The following PSMD14 variants were observed in gnomAD, a reference collection of about 807,000 sequenced individuals.
The protein encoded by PSMD14 is ubiquitin C-terminal hydrolase PSMD14.
A neutral mutation model predicts 41.2 loss-of-function variants in PSMD14; 7 were observed. That is an observed-to-expected ratio of 0.17 (90% CI 0.10 to 0.32). The LOEUF (loss-of-function observed/expected upper bound fraction) is 0.32. Among genes scored for constraint, PSMD14 ranks in the 10% least tolerant of loss-of-function variants. The pLI is 1.00. For synonymous variants in PSMD14, 114 were observed against 122.3 expected (o/e 0.93, Z 0.45); for missense variants, 139 against 375.6 (o/e 0.37, Z 5.21).
At chr2:161,354,726 A>C (rs956614070) in intron 3 of PSMD14, among the ~76,000 whole-genome samples, 1 of 152,218 alleles carries the variant, frequency 6.6e-6, no homozygotes, top group African/African-American at 2.4e-5. Context: ...AATTGTTTCA[A>C]AGTGAGTACC....
chr2:161,323,482 G>C (rs1682641240), intron 3 of PSMD14, among the ~76,000 whole-genome samples: 1 of 152,128 alleles, frequency 6.6e-6, no homozygotes. Context: ...GGCCAACATG[G>C]GGAAACCCCA....
chr2:161,310,334 C>G (rs1401124604), intron 1 of PSMD14, among the ~76,000 whole-genome samples: 1 of 152,140 alleles, frequency 6.6e-6, no homozygotes, highest in Admixed American at 6.5e-5. Context: ...ATCTAGTCCT[C>G]TTATTTCAGT....
intron 3 of PSMD14, among the ~76,000 whole-genome samples, chr2:161,321,763 G>A (rs1039055691): frequency 6.6e-6 from 1 of 152,140 alleles, no homozygotes; most frequent in African/African-American, 2.4e-5. Context: ...AGATTAGGAG[G>A]ACCAGTGAAA....
intron 3 of PSMD14, among the ~76,000 whole-genome samples, chr2:161,351,892 G>A (rs1683123718): frequency 6.6e-6 from 1 of 152,130 alleles, no homozygotes; most frequent in Non-Finnish European, 1.5e-5. Context: ...CTAACCTCAA[G>A]AGGTTAGGGA....
At chr2:161,395,027 A>G in intron 9 of PSMD14, 51 bp from the exon 10 acceptor site, 1 of 1,462,666 alleles carries the variant, frequency 6.8e-7, no homozygotes, top group Non-Finnish European at 9.1e-7. Flanking sequence ...TAGACAATGA[A>G]GGGGGTATCC....
At chr2:161,337,301 C>T (rs1054407931) in intron 3 of PSMD14, among the ~76,000 whole-genome samples, 9 of 152,096 alleles carry the variant, frequency 5.9e-5, no homozygotes, top group African/African-American at 1.9e-4. Flanking sequence ...TAGAATTGCT[C>T]TTTTTTGGTA....
chr2:161,331,679 T>C (rs557546062), intron 3 of PSMD14, among the ~76,000 whole-genome samples: 1 of 152,320 alleles, frequency 6.6e-6, no homozygotes, highest in South Asian at 2.1e-4. Flanking sequence ...ATAGGGAATG[T>C]CATTGTAACA....
rs183680584 is a variant in PSMD14 at position 161,354,195 on chromosome 2, G to A, written c.49-13283G>A. 6.4e-4 allele frequency among the ~76,000 whole-genome samples: 98 copies of A among 152,104 alleles called. No individual in the cohort carries two copies. The Middle Eastern group carries it at 0.01, about 16-fold the overall frequency. On this transcript the variant is annotated intron_variant, in intron 3 of 11. Transcript: ENST00000409682. ...CAATCTTAAATGTTTATATTTTCTG[G>A]TTTCTGAAGTTTGAACTGATCTCCG... is the stretch of plus-strand genomic sequence containing the variant.
intron 7 of PSMD14, among the ~76,000 whole-genome samples, chr2:161,376,013 G>T (rs1308979619): frequency 6.6e-6 from 1 of 151,252 alleles, no homozygotes; most frequent in African/African-American, 2.4e-5. Context: ...ATATTAGAAA[G>T]TTTTAAGATG....
intron 3 of PSMD14, among the ~76,000 whole-genome samples, chr2:161,329,686 A>G (rs1399577661): frequency 6.6e-6 from 1 of 152,212 alleles, no homozygotes; most frequent in African/African-American, 2.4e-5. Context: ...AAGCAGAATT[A>G]CAAGATGCCT....
At chr2:161,319,099 G>T (rs1689175444) in intron 3 of PSMD14, 2 of 376,766 alleles carry the variant, frequency 5.3e-6, no homozygotes, top group African/African-American at 2.1e-5. Context: ...TCTGTTATTT[G>T]CTTTGTTTAA....
chr2:161,407,785 G>A (rs974659200), intron 10 of PSMD14: 1 of 151,890 alleles, frequency 6.6e-6, no homozygotes. Context: ...AACTCTTTTT[G>A]TGGTAAATGC....
intron 3 of PSMD14, among the ~76,000 whole-genome samples, chr2:161,347,140 C>T (rs1683056559): frequency 6.6e-6 from 1 of 152,134 alleles, no homozygotes; most frequent in African/African-American, 2.4e-5. Flanking sequence ...TAAGGCTCAC[C>T]TCATTTGTTT....
chr2:161,315,841 C>CT (rs34015300), intron 1 of PSMD14, among the ~76,000 whole-genome samples: 25 of 96,718 alleles, frequency 2.6e-4, no homozygotes, highest in South Asian at 3.2e-4. Context: ...TTATTTTATT[C>CT]TTTTTTTTTT....
chr2:161,394,079 C>A (rs1021561232), intron 9 of PSMD14, among the ~76,000 whole-genome samples: 6 of 141,992 alleles, frequency 4.2e-5, no homozygotes, highest in African/African-American at 1.6e-4. Flanking sequence ...CCAAGTGATT[C>A]TTCTGCCTCA....
chr2:161,395,381 C>A (rs1000045235), intron 10 of PSMD14, among the ~76,000 whole-genome samples, 178 bp downstream of exon 10: 1 of 152,194 alleles, frequency 6.6e-6, no homozygotes, highest in African/African-American at 2.4e-5. Context: ...AATGCAAAGG[C>A]AGCCATACAC....
chr2:161,371,335 C>T lies in PSMD14; in HGVS notation c.462+13C>T. On this transcript the variant is annotated intron_variant, in intron 7 of 11. Coordinates refer to ENST00000409682, the MANE Select transcript of PSMD14 (RefSeq NM_005805.6). ...TGTAAAAGGAAAGGTAGAGTAGATT[C>T]TATCTTTATTGCCATCTACTGCCAC... The T allele has an allele frequency of 6.3e-7, 1 of 1,599,894 alleles. No individual in the cohort carries two copies.
chr2:161,404,965 C>T (rs116187182), intron 10 of PSMD14, among the ~76,000 whole-genome samples: 1,835 of 152,270 alleles, frequency 0.012, 29 homozygotes, highest in African/African-American at 0.042. Context: ...CTCTTCATTT[C>T]CTCTCATTTG....
At chr2:161,344,628 CTGG>C (rs1427022010) in intron 3 of PSMD14, among the ~76,000 whole-genome samples, 1 of 82,562 alleles carries the variant, frequency 1.2e-5, no homozygotes, top group Non-Finnish European at 2.9e-5. Context: ...GTTAACATTT[CTGG>C]TGTTCTTCTT....
Sources: gnomAD v4.1 joint callset for allele counts (sites outside exome capture counted in the v4.1 genomes callset) on GRCh38, gnomAD v4.1.1 for gene constraint, MANE v1.5 for transcripts, NCBI Gene and HGNC (gene_info 2026-07-23, HGNC 2026-07-21) for gene names.